Variants in SUN2 observed in about 807,000 individuals in gnomAD.
The protein encoded by SUN2 is Sad1 and UNC84 domain containing 2, also known as SUN domain-containing protein 2.
A neutral mutation model predicts 100.0 loss-of-function variants in SUN2; 60 were observed. That is an observed-to-expected ratio of 0.60 (90% CI 0.49 to 0.74). The LOEUF (loss-of-function observed/expected upper bound fraction) is 0.74, where lower values mean the gene tolerates loss of function less well. Ranked by LOEUF, SUN2 falls within the 30% of genes least tolerant of loss-of-function variation. SUN2 has a pLI of 0.00. For synonymous variants in SUN2, 367 were observed against 403.3 expected, an observed-to-expected ratio of 0.91 and a Z score of 1.08; for missense variants, 834 against 954.6, an observed-to-expected ratio of 0.87 and a Z score of 1.66.
chr22:38,742,865 G>C, intron 8 of SUN2: 1 of 287,736 alleles, frequency 3.5e-6, no homozygotes, highest in Non-Finnish European at 6.6e-6. Flanking sequence ...GGATGGTCCA[G>C]GAGGAGGACT....
At chr22:38,754,929 G>T (rs576720923) in intron 1 of SUN2, 4 of 1,289,272 alleles carry the variant, frequency 3.1e-6, no homozygotes, top group African/African-American at 3.0e-5. Flanking sequence ...GATGAAAAAG[G>T]TCGAGGCCCC....
At position 38,739,800 on chromosome 22, in the gene SUN2, C is replaced by T; in HGVS notation, c.1500G>A (p.Gln500=). The T allele has an allele frequency of 6.2e-7, 1 of 1,613,676 alleles. No homozygotes were observed. The highest frequency in any genetic ancestry group is 1.1e-5 in the South Asian group (1 of 91,090). ...SKILTHVAEM[Q]GKSAREAAAS... ...CCGCGGCTTCCCTGGCCGACTTGCC[C>T]TGCATCTCTGCCACATGGGTGAGGA... The change falls in exon 13 of 18, where the codon CAG becomes CAA. Residue 500 remains glutamine, a synonymous_variant. Coordinates refer to ENST00000689035, the MANE Select transcript of SUN2 (RefSeq NM_015374.3). This position sits in a 1 kb window ranked among gnomAD's most constrained non-coding sequence, Gnocchi z 6.7.
Position 38,745,766 on chromosome 22 carries a change from G to T in SUN2, c.731C>A (p.Ala244Asp). Residue 244 changes from alanine (A) to aspartate (D), a missense_variant, in exon 8 of 18, where the codon GCT (alanine) becomes GAT (aspartate). Physicochemically the swap from Ala to Asp is moderately radical, Grantham distance 126. This residue lies in a region of SUN2 where 559 missense variants were observed against 597.7 expected (regional missense o/e 0.94). Coordinates refer to ENST00000689035, the MANE Select transcript of SUN2 (RefSeq NM_015374.3). ...CTTCGCTGCCCACCAGGAAACCAAA[G>T]CAGGGTGGAATGTCTGCAGCCCATA... ...YPYGLQTFHP[A>D]LVSWWAAKDS... is the part of the protein sequence containing the mutation. The T allele has an allele frequency of 6.2e-7, 1 of 1,614,102 alleles. No homozygotes were observed. Among genetic ancestry groups the T allele is most frequent in the Non-Finnish European group, 8.5e-7 (1 of 1,180,022 alleles).
rs1363930564 is a variant in SUN2, at chr22:38,751,316, G to A, written c.180C>T (p.Gly60=). The change falls in exon 3 of 18, where the codon GGC becomes GGT. Residue 60 remains glycine, a synonymous_variant. Coordinates refer to ENST00000689035, the MANE Select transcript of SUN2 (RefSeq NM_015374.3). ...AGGAGGTGTGTGCATCAGAGGACGGGCCCAGCTGTGGCGCTGGGGACAGGC... is the reference window on the plus strand; with the variant it reads ...AGGAGGTGTGTGCATCAGAGGACGGACCCAGCTGTGGCGCTGGGGACAGGC... ...MKRLSPAPQL[G]PSSDAHTSYY... 1.2e-6 allele frequency: 2 copies of A among 1,614,120 alleles called. No homozygotes were observed. The highest frequency in any genetic ancestry group is 4.5e-5 in the East Asian group (2 of 44,888).
At position 38,739,587 on chromosome 22, in the gene SUN2, C is replaced by A. The variant is rs981179830; in HGVS notation, c.1578+135G>T. ...CACACTGCCACCCACCCATGCCAGC[C>A]CCACAGCATGCAAAGCCTCCTGCTT... is the stretch of plus-strand genomic sequence containing the variant. On this transcript the variant is annotated intron_variant, in intron 13 of 17. Coordinates refer to ENST00000689035, the MANE Select transcript of SUN2 (RefSeq NM_015374.3). This position sits in a 1 kb window ranked among gnomAD's most constrained non-coding sequence, Gnocchi z 6.7. The A allele has an allele frequency of 1.5e-6, 2 of 1,307,170 alleles. No individual in the cohort carries two copies. Among genetic ancestry groups the A allele is most frequent in the Non-Finnish European group, 2.1e-6 (2 of 931,868 alleles). The allele number at this position is 1,307,170 out of a possible 1,614,324, so 81.0% of individuals were successfully genotyped here.
rs137996727 is a variant in SUN2 at position 38,736,343 on chromosome 22, C to A, written c.2078G>T (p.Arg693Leu). The A allele has an allele frequency of 7.7e-5, 124 of 1,613,922 alleles. No individual in the cohort carries two copies. Among genetic ancestry groups the A allele is most frequent in the Non-Finnish European group, 1.0e-4 (121 of 1,179,888 alleles). The change falls in exon 18 of 18, where the codon CGG becomes CTG. Residue 693 changes from arginine to leucine, a missense_variant. Physicochemically the swap from Arg to Leu is moderately radical, Grantham distance 102. Coordinates refer to ENST00000689035, the MANE Select transcript of SUN2 (RefSeq NM_015374.3). ...TMATYQVVEL[R>L]ILTNWGHPEY... is the part of the protein sequence containing the mutation. ...GGGGTGGCCCCAGTTAGTCAGGATC[C>A]GCAGCTCCACCACCTGGTACGTGGC...
chr22:38,748,189 C>T (rs2092918728), intron 7 of SUN2, among the ~76,000 whole-genome samples: 1 of 152,218 alleles, frequency 6.6e-6, no homozygotes, highest in Non-Finnish European at 1.5e-5. Flanking sequence ...TGGCGCATGC[C>T]TGTAATCCCA....
rs767771048 is a variant in SUN2, at chr22:38,752,518, G to C, written c.111C>G (p.Asp37Glu). 1.1e-5 allele frequency: 18 copies of C among 1,613,366 alleles called. No individual in the cohort carries two copies. The highest frequency in any genetic ancestry group is 1.4e-5 in the Non-Finnish European group (17 of 1,179,446). The change falls in exon 2 of 18, where the codon GAC (aspartate) becomes GAG (glutamate). Residue 37 changes from aspartate to glutamate, a missense_variant. By Grantham distance (45) the Asp-to-Glu change is conservative. This residue lies in a region of SUN2 where 559 missense variants were observed against 597.7 expected (regional missense o/e 0.94). Transcript: ENST00000689035. Reference protein sequence around the residue: ...VAGSQSTLFKDSPLRTLKRKS... With the variant: ...VAGSQSTLFKESPLRTLKRKS... ...CCTTGGGTCCCTACCTGAGAGGACT[G>C]TCTTTAAACAGGGTGCTCTGACTCC...
chr22:38,748,578 A>G, intron 7 of SUN2, 135 bp downstream of exon 7: 1 of 979,466 alleles, frequency 1.0e-6, no homozygotes, highest in Non-Finnish European at 1.6e-6. Flanking sequence ...GAGATGATCC[A>G]GGGTCCAGGG....
intron 2 of SUN2, 102 bp from the exon 3 acceptor site, chr22:38,751,475 TGG>T: frequency 7.5e-7 from 1 of 1,332,880 alleles, no homozygotes; most frequent in East Asian, 2.4e-5. Context: ...GTGCAGGGTG[TGG>T]GTTCCCTTGT....
intron 6 of SUN2, 62 bp downstream of exon 6, chr22:38,749,704 C>T (rs1448048003): frequency 6.7e-7 from 1 of 1,482,532 alleles, no homozygotes; most frequent in African/African-American, 1.4e-5. Context: ...GGTTGACACA[C>T]TTTACCCGTC....
intron 8 of SUN2, 158 bp from the exon 9 acceptor site, chr22:38,742,713 G>C (rs1307324408): frequency 2.1e-6 from 2 of 941,682 alleles, no homozygotes; most frequent in Admixed American, 3.0e-5. Flanking sequence ...CGTGGGCAGG[G>C]GCTGCCGACC....
At chr22:38,742,804 C>T in intron 8 of SUN2, 2 of 489,368 alleles carry the variant, frequency 4.1e-6, no homozygotes, top group East Asian at 3.6e-5. Context: ...GTACCGAAGT[C>T]TGATCCCAGA....
rs1350730856 is a variant in SUN2, at chr22:38,749,855, C to T, written c.525G>A (p.Arg175=). 5.6e-6 allele frequency: 9 copies of T among 1,612,760 alleles called. No homozygotes were observed. The highest frequency in any genetic ancestry group is 7.6e-6 in the Non-Finnish European group (9 of 1,179,600). Residue 175 remains arginine (R), a synonymous_variant, in exon 6 of 18, where the codon CGG becomes CGA. Transcript: ENST00000689035. ...CCCACCAGTAGAGAAGTCTGAAGAG[C>T]CGGCCTGGAAGAATGACCATCAAGC... ...LLWMVATSPG[R]LFRLLYWWAG...
At position 38,737,927 on chromosome 22, in the gene SUN2, C is replaced by T; in HGVS notation, c.2040+246G>A. On this transcript the variant is annotated intron_variant, in intron 17 of 17. Transcript: ENST00000689035. This position sits in a 1 kb window ranked among gnomAD's most constrained non-coding sequence, Gnocchi z 4.1. ...CCACCCAACCCCTCTTGTGTAAAGC[C>T]CACCTCCTGGTGTCCTTTTCCAGGA... 1.5e-6 allele frequency: 1 copy of T among 677,136 alleles called. No individual in the cohort carries two copies. The highest frequency in any genetic ancestry group is 2.8e-6 in the Non-Finnish European group (1 of 359,826). 41.9% of individuals were successfully genotyped at this position (677,136 alleles called of 1,614,324 possible).
intron 4 of SUN2, 138 bp downstream of exon 4, chr22:38,750,760 A>ACCT (rs1204125814): frequency 4.3e-6 from 6 of 1,380,404 alleles, no homozygotes; most frequent in South Asian, 2.8e-5. Flanking sequence ...GCTGGGGCGC[A>ACCT]CCCAGGGCCG....
chr22:38,752,702 T>A, intron 1 of SUN2, 37 bp from the exon 2 acceptor site: 1 of 1,571,244 alleles, frequency 6.4e-7, no homozygotes, highest in South Asian at 1.1e-5. Flanking sequence ...ATGTGAGGCC[T>A]GGGGCTGTCC....
chr22:38,754,008 A>T (rs1003160050), intron 1 of SUN2, among the ~76,000 whole-genome samples: 1 of 152,228 alleles, frequency 6.6e-6, no homozygotes, highest in Non-Finnish European at 1.5e-5. Flanking sequence ...TTGTTAGCAA[A>T]CTAACAAAAT....
At chr22:38,749,669 A>C in intron 6 of SUN2, 97 bp downstream of exon 6, 1 of 1,164,902 alleles carries the variant, frequency 8.6e-7, no homozygotes, top group Admixed American at 2.2e-5. Flanking sequence ...AACTGGGGAA[A>C]ACCCTCAGAG....
Sources: gnomAD v4.1 joint callset for allele counts (sites outside exome capture counted in the v4.1 genomes callset) on GRCh38, gnomAD v4.1.1 for gene constraint, gnomAD v4.1.1 regional missense constraint, Gnocchi (gnomAD v3.1) non-coding constraint, MANE v1.5 for transcripts, NCBI Gene and HGNC (gene_info 2026-07-23, HGNC 2026-07-21) for gene names.